NAV3: variants seen among roughly 807,000 people sequenced by gnomAD.
The protein encoded by NAV3 is neuron navigator 3.
In NAV3, 87 loss-of-function variants were observed where a neutral mutation model predicts 244.7. The ratio of observed to expected loss-of-function variants is 0.36; its 90% CI spans 0.30 to 0.42. The LOEUF (loss-of-function observed/expected upper bound fraction) is 0.42, where lower values mean the gene tolerates loss of function less well. Among genes scored for constraint, NAV3 ranks in the 20% least tolerant of loss-of-function variants. NAV3 has a pLI of 1.00. For synonymous variants in NAV3, 1,126 were observed against 1,042.2 expected, an observed-to-expected ratio of 1.08 and a Z score of -1.55; for missense variants, 2,663 against 2,893.3, an observed-to-expected ratio of 0.92 and a Z score of 1.83.
intron 2 of NAV3, among the ~76,000 whole-genome samples, chr12:77,823,638 C>T (rs189670737): frequency 7.2e-5 from 11 of 152,296 alleles, no homozygotes; most frequent in Non-Finnish European, 1.5e-4. Flanking sequence ...AGCTACTTAA[C>T]TATGTGCCAT....
chr12:77,622,797 T>A lies in NAV3; in HGVS notation c.72+50531T>A, dbSNP rs75517650. On this transcript the variant is annotated intron_variant, in intron 2 of 8. Transcript: ENST00000550042. The stretch of plus-strand genomic sequence containing the variant: ...ATGAAACATAAAGTTGGATGACATA[T>A]ATAAATGTATATCTATAACTTATAT... 3.6e-3 allele frequency among the ~76,000 whole-genome samples: 544 copies of A among 152,280 alleles called. 4 individuals carry two copies. Among genetic ancestry groups the A allele is most frequent in the African/African-American group, 0.013 (521 of 41,556 alleles).
intron 2 of NAV3, among the ~76,000 whole-genome samples, chr12:77,692,679 T>C (rs191523097): frequency 6.6e-6 from 1 of 152,246 alleles, no homozygotes; most frequent in East Asian, 1.9e-4. Flanking sequence ...GTATAGTAAT[T>C]ATGTTTCATT....
chr12:78,128,877 C>A lies in NAV3; in HGVS notation c.4441+11C>A, dbSNP rs2138856926. On this transcript the variant is annotated intron_variant, in intron 18 of 39. Coordinates refer to ENST00000397909, the MANE Select transcript of NAV3 (RefSeq NM_001024383.2). Reference sequence around the variant, plus strand: ...ACTTTTCTAACTTGGGTAAAATATTCTAAAATATTGATTTTGTTTTGTTTC... The same window carrying A: ...ACTTTTCTAACTTGGGTAAAATATTATAAAATATTGATTTTGTTTTGTTTC... 5 of 1,611,030 alleles carry A rather than the reference C, an allele frequency of 3.1e-6. No homozygotes were observed. Among genetic ancestry groups the A allele is most frequent in the Non-Finnish European group, 4.2e-6 (5 of 1,178,346 alleles).
chr12:77,802,021 G>A (rs1376365040), intron 2 of NAV3, among the ~76,000 whole-genome samples: 2 of 152,126 alleles, frequency 1.3e-5, no homozygotes, highest in East Asian at 1.9e-4. Flanking sequence ...GAATGATCAT[G>A]TAGTCTCTTA....
intron 11 of NAV3, among the ~76,000 whole-genome samples, chr12:78,055,129 A>G (rs750680776): frequency 1.4e-4 from 21 of 152,220 alleles, no homozygotes; most frequent in South Asian, 6.2e-4. Context: ...GTAGTGAATA[A>G]TATAGACATA....
chr12:77,913,393 T>C (rs773725853), intron 1 of NAV3, among the ~76,000 whole-genome samples: 1 of 152,036 alleles, frequency 6.6e-6, no homozygotes, highest in Non-Finnish European at 1.5e-5. Context: ...AATCCAGTCA[T>C]CATAGCTAAC....
intron 2 of NAV3, among the ~76,000 whole-genome samples, chr12:77,768,001 A>G (rs1476628767): frequency 6.6e-6 from 1 of 152,234 alleles, no homozygotes; most frequent in Admixed American, 6.5e-5. Flanking sequence ...GCAACAGTAC[A>G]GCTCTCAGGA....
rs777564080 is a variant in NAV3 at position 78,006,785 on chromosome 12, C to G, written c.1247C>G (p.Ala416Gly). ...AGTGATGGTGGGAAGGATGATGATG[C>G]CTTTTCTGAATCTGGTGAAATGGAA... is the stretch of plus-strand genomic sequence containing the variant. ...GPSDGGKDDD[A>G]FSESGEMEGF... is the part of the protein sequence containing the mutation. Residue 416 changes from alanine to glycine, a missense_variant, in exon 8 of 40, where the codon GCC becomes GGC. This residue lies in a region of NAV3 where 1,521 missense variants were observed against 1,497.0 expected (regional missense o/e 1.02). Transcript: ENST00000397909. 6.2e-7 allele frequency: 1 copy of G among 1,614,124 alleles called. No homozygotes were observed.
At chr12:77,940,261 T>G in intron 1 of NAV3, 58 bp from the exon 2 acceptor site, 2 of 1,265,938 alleles carry the variant, frequency 1.6e-6, no homozygotes, top group Non-Finnish European at 1.1e-6. Flanking sequence ...TCTTCAGCAT[T>G]TTATTGTCTC....
chr12:77,933,716 G>C (rs941870522), intron 1 of NAV3, among the ~76,000 whole-genome samples: 1 of 152,162 alleles, frequency 6.6e-6, no homozygotes, highest in African/African-American at 2.4e-5. Flanking sequence ...TACCACATGA[G>C]CTATTGAGAT....
chr12:77,731,848 G>T (rs1345797685), intron 2 of NAV3, among the ~76,000 whole-genome samples: 1 of 151,902 alleles, frequency 6.6e-6, no homozygotes, highest in Non-Finnish European at 1.5e-5. Flanking sequence ...TGCTGAAGAA[G>T]CGGAGATTGC....
intron 1 of NAV3, among the ~76,000 whole-genome samples, chr12:77,837,027 C>T (rs1350898696): frequency 1.3e-5 from 2 of 151,874 alleles, no homozygotes; most frequent in Non-Finnish European, 1.5e-5. Flanking sequence ...TTAAAATAAG[C>T]ATAAATAATA....
intron 3 of NAV3, among the ~76,000 whole-genome samples, chr12:77,955,575 A>G (rs1891288611): frequency 6.6e-6 from 1 of 152,170 alleles, no homozygotes; most frequent in Non-Finnish European, 1.5e-5. Flanking sequence ...TCTGATCAGA[A>G]ATAGACCCTT....
intron 9 of NAV3, among the ~76,000 whole-genome samples, chr12:78,038,224 C>A (rs1390458968): frequency 6.6e-6 from 1 of 152,174 alleles, no homozygotes; most frequent in African/African-American, 2.4e-5. Context: ...TGAATTCAGT[C>A]TTGTATCAAA....
At chr12:77,860,877 A>G (rs1158167131) in intron 1 of NAV3, among the ~76,000 whole-genome samples, 1 of 151,886 alleles carries the variant, frequency 6.6e-6, no homozygotes, top group African/African-American at 2.4e-5. Flanking sequence ...GGACTTGAGG[A>G]TCAAAACTAT....
chr12:77,774,841 C>T (rs7977573), intron 2 of NAV3, among the ~76,000 whole-genome samples: 141,779 of 152,254 alleles, frequency 0.93, 66,878 homozygotes, highest in East Asian at 1. Context: ...TGTAATTGTA[C>T]TGTGAATTCA....
chr12:77,858,749 T>C (rs1044108319), intron 1 of NAV3, among the ~76,000 whole-genome samples: 8 of 152,096 alleles, frequency 5.3e-5, no homozygotes, highest in Admixed American at 5.2e-4. Context: ...AAAATCTTGC[T>C]ACATAAGCAT....
At position 77,883,025 on chromosome 12, in the gene NAV3, G is replaced by A. The variant is rs569478909; in HGVS notation, c.243+51321G>A. Among the ~76,000 whole-genome samples the A allele has an allele frequency of 2.6e-5, 4 of 152,254 alleles. No individual in the cohort carries two copies. In the South Asian group the frequency reaches 8.3e-4, roughly 32 times the overall value. On this transcript the variant is annotated intron_variant, in intron 1 of 39. Coordinates refer to ENST00000397909, the MANE Select transcript of NAV3 (RefSeq NM_001024383.2). The stretch of plus-strand genomic sequence containing the variant: ...GGTCAGCCTCTGTGGAAAGCAGTTT[G>A]GAGATTTCTCAAAGAACTTAAAACA...
intron 2 of NAV3, among the ~76,000 whole-genome samples, chr12:77,784,340 T>A (rs1428226981): frequency 6.6e-6 from 1 of 152,174 alleles, no homozygotes; most frequent in Non-Finnish European, 1.5e-5. Context: ...ACTTCCATGA[T>A]ATCTTTAAGA....
Sources: gnomAD v4.1 joint callset for allele counts (sites outside exome capture counted in the v4.1 genomes callset) on GRCh38, gnomAD v4.1.1 for gene constraint, gnomAD v4.1.1 regional missense constraint, MANE v1.5 for transcripts, NCBI Gene and HGNC (gene_info 2026-07-23, HGNC 2026-07-21) for gene names.